The following PCSK9 variants were observed in gnomAD, a reference collection of about 807,000 sequenced individuals.
The protein encoded by PCSK9 is proprotein convertase subtilisin/kexin type 9.
In PCSK9, 57 loss-of-function variants were observed where a neutral mutation model predicts 62.1. The ratio of observed to expected loss-of-function variants is 0.92; its 90% CI spans 0.74 to 1.14. The LOEUF is 1.14. Ranked by LOEUF, PCSK9 falls within the 50% of genes most tolerant of loss-of-function variation. The pLI is 0.00. For missense variants in PCSK9, 870 were observed against 959.8 expected (o/e 0.91, Z 1.24); for synonymous variants, 387 against 409.4 (o/e 0.95, Z 0.66).
At chr1:55,047,659 A>G (rs1256452748) in intron 3 of PCSK9, among the ~76,000 whole-genome samples, 1 of 152,198 alleles carries the variant, frequency 6.6e-6, no homozygotes, top group Non-Finnish European at 1.5e-5. Context: ...GTGACCTTGC[A>G]TATGTCTGAG....
intron 2 of PCSK9, 58 bp from the exon 3 acceptor site, chr1:55,046,465 T>C (rs1570295984): frequency 1.2e-6 from 2 of 1,613,750 alleles, no homozygotes; most frequent in Admixed American, 3.3e-5. Flanking sequence ...GCTGTGGCTG[T>C]GTTTGCTGCT....
intron 1 of PCSK9, among the ~76,000 whole-genome samples, chr1:55,042,798 C>T (rs1239627710): frequency 6.6e-6 from 1 of 152,328 alleles, no homozygotes; most frequent in Non-Finnish European, 1.5e-5. Flanking sequence ...CTCCAAATCT[C>T]ATGTGGAAAT....
chr1:55,058,466 G>A, intron 8 of PCSK9, 33 bp from the exon 9 acceptor site: 1 of 1,612,146 alleles, frequency 6.2e-7, no homozygotes. Context: ...CTCACTCCCA[G>A]CACCCCCTCC....
chr1:55,061,662 C>T lies in PCSK9; in HGVS notation c.1863+106C>T, dbSNP rs28362278. ...ACCATACCGCCATGCATCAGGGTGG[C>T]GGTTTGCCAGGTAGATGCTGTGGGC... On this transcript the variant is annotated intron_variant, in intron 11 of 11. Coordinates refer to ENST00000302118, the MANE Select transcript of PCSK9 (RefSeq NM_174936.4). 5,032 of 1,425,278 alleles carry T rather than the reference C, an allele frequency of 3.5e-3. 125 individuals carry two copies. The African/African-American group carries it at 0.057, about 16-fold the overall frequency. 88.3% of individuals were successfully genotyped at this position (1,425,278 alleles called of 1,614,324 possible).
intron 3 of PCSK9, among the ~76,000 whole-genome samples, chr1:55,047,794 C>G (rs1644644711): frequency 6.6e-6 from 1 of 152,158 alleles, no homozygotes; most frequent in Non-Finnish European, 1.5e-5. Flanking sequence ...TGTGTGCTGA[C>G]CCGGCCTGGG....
chr1:55,045,216 GCCAA>G (rs1474966729), intron 2 of PCSK9, among the ~76,000 whole-genome samples: 1 of 152,000 alleles, frequency 6.6e-6, no homozygotes, highest in Non-Finnish European at 1.5e-5. Flanking sequence ...AGGAGAGTAG[GCCAA>G]GCAGAAGGCA....
In PCSK9 at chr1:55,063,843, A is replaced by C; in HGVS notation, c.*259A>C. The C allele has an allele frequency of 1.8e-6, 1 of 561,334 alleles. No individual in the cohort carries two copies. The highest frequency in any genetic ancestry group is 2.9e-5 in the East Asian group (1 of 34,022). The allele number at this position is 561,334 out of a possible 1,614,324, so 34.8% of individuals were successfully genotyped here. ...CACTGTGGGGCATTTCACCATTCAA[A>C]CAGGTCGAGCTGTGCTCGGGTGCTG... On this transcript the variant is annotated 3_prime_UTR_variant, in exon 12 of 12. Transcript: ENST00000302118.
intron 3 of PCSK9, chr1:55,050,808 C>G: frequency 3.5e-6 from 1 of 285,544 alleles, no homozygotes; most frequent in East Asian, 1.4e-4. Context: ...CCCACAGATA[C>G]ACACACCCAG....
At chr1:55,045,642 A>T (rs1301099046) in intron 2 of PCSK9, among the ~76,000 whole-genome samples, 2 of 151,524 alleles carry the variant, frequency 1.3e-5, no homozygotes, top group East Asian at 3.9e-4. Context: ...CCGAGGGTTC[A>T]CCGCTGCCAT....
chr1:55,047,728 G>A (rs569816960), intron 3 of PCSK9, among the ~76,000 whole-genome samples: 182 of 152,288 alleles, frequency 1.2e-3, no homozygotes, highest in African/African-American at 4.1e-3. Flanking sequence ...GGGTTTGTGT[G>A]GGGGACATCC....
chr1:55,047,351 T>C (rs557880940), intron 3 of PCSK9, among the ~76,000 whole-genome samples: 68 of 152,240 alleles, frequency 4.5e-4, no homozygotes, highest in African/African-American at 1.6e-3. Flanking sequence ...GTGCCCATGG[T>C]GTGAGGTCTG....
intron 3 of PCSK9, chr1:55,052,077 C>T (rs2100295530): frequency 1.3e-6 from 1 of 763,714 alleles, no homozygotes; most frequent in East Asian, 2.8e-5. Flanking sequence ...TACCTGCCCT[C>T]TCTAGGCCTC....
intron 3 of PCSK9, chr1:55,051,056 A>G (rs1644669401): frequency 9.7e-5 from 42 of 433,020 alleles, no homozygotes; most frequent in South Asian, 6.9e-4. Context: ...AAGCCGGAAG[A>G]CGTGAGGCAG....
chr1:55,056,664 G>A (rs1644717627), intron 6 of PCSK9, among the ~76,000 whole-genome samples: 1 of 152,180 alleles, frequency 6.6e-6, no homozygotes, highest in South Asian at 2.1e-4. Flanking sequence ...CCTCTCACCC[G>A]AGGAACATCC....
chr1:55,054,023 C>T (rs964570038), intron 5 of PCSK9, among the ~76,000 whole-genome samples: 1 of 152,224 alleles, frequency 6.6e-6, no homozygotes, highest in Non-Finnish European at 1.5e-5. Flanking sequence ...CCATTTCCTC[C>T]TCTGTAAGCA....
In PCSK9 at chr1:55,061,569, G is replaced by C; in HGVS notation, c.1863+13G>C. On this transcript the variant is annotated intron_variant, in intron 11 of 11. Coordinates refer to ENST00000302118, the MANE Select transcript of PCSK9 (RefSeq NM_174936.4). The stretch of plus-strand genomic sequence containing the variant: ...CCCTCAGGAGCAGGTGAAGAGGCCC[G>C]TGAGGCCGGGTGGGTGGGGTGCTGC... The C allele has an allele frequency of 1.3e-6, 2 of 1,579,532 alleles. No individual in the cohort carries two copies. Among genetic ancestry groups the C allele is most frequent in the South Asian group, 1.2e-5 (1 of 86,224 alleles).
intron 3 of PCSK9, among the ~76,000 whole-genome samples, chr1:55,050,760 A>G (rs1425559542): frequency 6.6e-6 from 1 of 152,214 alleles, no homozygotes; most frequent in East Asian, 1.9e-4. Flanking sequence ...ATCTCAGAGC[A>G]GCCACTGAAT....
intron 3 of PCSK9, among the ~76,000 whole-genome samples, chr1:55,049,839 C>T (rs1644660507): frequency 6.6e-6 from 1 of 152,230 alleles, no homozygotes; most frequent in Non-Finnish European, 1.5e-5. Context: ...TGGGGCCACA[C>T]CCCAGGCCCA....
intron 5 of PCSK9, 28 bp downstream of exon 5, chr1:55,052,819 C>A: frequency 6.2e-7 from 1 of 1,612,868 alleles, no homozygotes; most frequent in East Asian, 2.2e-5. Context: ...ACGCTGGTCT[C>A]TCTCCATCTG....
Sources: allele counts gnomAD v4.1 joint callset (sites outside exome capture counted in the v4.1 genomes callset), GRCh38; gene constraint gnomAD v4.1.1; transcripts MANE v1.5; gene names NCBI Gene and HGNC (gene_info 2026-07-23, HGNC 2026-07-21).